ELAVL4: variants seen among roughly 807,000 people sequenced by gnomAD.
ELAVL4 encodes ELAV-like protein 4.
Under a neutral mutation model 35.6 loss-of-function variants are expected in ELAVL4, and 1 was observed. That is an observed-to-expected ratio of 0.03 (90% CI 0.01 to 0.13). The LOEUF (loss-of-function observed/expected upper bound fraction) is 0.13, where lower values mean the gene tolerates loss of function less well. Among genes scored for constraint, ELAVL4 ranks in the 10% least tolerant of loss-of-function variants. ELAVL4 has a pLI of 1.00. For missense variants in ELAVL4, 267 were observed against 464.9 expected, an observed-to-expected ratio of 0.57 and a Z score of 3.91; for synonymous variants, 156 against 171.0, an observed-to-expected ratio of 0.91 and a Z score of 0.69.
At chr1:50,157,723 C>T (rs1234687066) in intron 2 of ELAVL4, among the ~76,000 whole-genome samples, 1 of 152,204 alleles carries the variant, frequency 6.6e-6, no homozygotes, top group Non-Finnish European at 1.5e-5. Context: ...TGTGAGTCAT[C>T]ATTCAGAATG....
At chr1:50,160,661 GTCCT>G (rs2148756015) in intron 2 of ELAVL4, among the ~76,000 whole-genome samples, 1 of 152,296 alleles carries the variant, frequency 6.6e-6, no homozygotes, top group East Asian at 1.9e-4. Context: ...GGTTTTCAAA[GTCCT>G]TCAGCTAACA....
intron 6 of ELAVL4, among the ~76,000 whole-genome samples, chr1:50,199,194 T>G (rs971560008): frequency 6.6e-6 from 1 of 152,260 alleles, no homozygotes; most frequent in African/African-American, 2.4e-5. Flanking sequence ...GTTGTTATAT[T>G]TAGCATATAT....
chr1:50,050,985 G>GA (rs2148467682), intron 1 of ELAVL4, among the ~76,000 whole-genome samples: 1 of 152,130 alleles, frequency 6.6e-6, no homozygotes, highest in Non-Finnish European at 1.5e-5. Context: ...TTATAGGGCA[G>GA]AATCAACACT....
Position 50,109,916 on chromosome 1 carries a change from A to G in ELAVL4, c.9+718A>G, listed in dbSNP as rs765190074. ...CTTTCCGCTTTTGACACACTGTGTG[A>G]GGGTCCATCTTCTTCTGATCACAGA... On this transcript the variant is annotated intron_variant, in intron 1 of 6. Transcript: ENST00000371824. 18 of 1,611,984 alleles carry G rather than the reference A, an allele frequency of 1.1e-5. No individual in the cohort carries two copies. In the East Asian group the frequency reaches 4.0e-4, roughly 36 times the overall value.
chr1:50,163,697 A>T (rs1296911949), intron 2 of ELAVL4, among the ~76,000 whole-genome samples: 1 of 152,086 alleles, frequency 6.6e-6, no homozygotes, highest in African/African-American at 2.4e-5. Flanking sequence ...GTGGTGGTTC[A>T]TGCCTGTAAC....
intron 1 of ELAVL4, among the ~76,000 whole-genome samples, chr1:50,080,145 C>T (rs1305004674): frequency 6.6e-6 from 1 of 152,100 alleles, no homozygotes; most frequent in Admixed American, 6.6e-5. Flanking sequence ...AGTTTAAGTG[C>T]GGTCTTTAAA....
intron 1 of ELAVL4, among the ~76,000 whole-genome samples, chr1:50,069,695 A>AT (rs763844228): frequency 2.0e-5 from 3 of 152,112 alleles, no homozygotes; most frequent in South Asian, 4.1e-4. Flanking sequence ...ATAGCAGCTT[A>AT]TTTTTTAGCA....
chr1:50,166,846 C>T (rs1344010954), intron 2 of ELAVL4, among the ~76,000 whole-genome samples: 3 of 152,206 alleles, frequency 2.0e-5, no homozygotes, highest in Non-Finnish European at 2.9e-5. Context: ...AGCCTGTTGA[C>T]TTAAAGGTAG....
At chr1:50,169,567 C>A (rs544779892) in intron 2 of ELAVL4, among the ~76,000 whole-genome samples, 7 of 152,308 alleles carry the variant, frequency 4.6e-5, no homozygotes, top group African/African-American at 1.7e-4. Flanking sequence ...TCAGTGATGG[C>A]AGAAAACAAG....
chr1:50,080,843 G>T (rs1321198772), intron 1 of ELAVL4, among the ~76,000 whole-genome samples: 1 of 152,158 alleles, frequency 6.6e-6, no homozygotes, highest in East Asian at 1.9e-4. Context: ...AAATAAATTC[G>T]TGGACTAGTT....
intron 1 of ELAVL4, among the ~76,000 whole-genome samples, chr1:50,124,774 G>T (rs1411520976): frequency 1.3e-5 from 2 of 152,090 alleles, no homozygotes; most frequent in African/African-American, 2.4e-5. Context: ...TTTATCAGTT[G>T]TGACCTAGGG....
At chr1:50,137,538 A>G (rs1352678778) in intron 1 of ELAVL4, among the ~76,000 whole-genome samples, 4 of 152,050 alleles carry the variant, frequency 2.6e-5, no homozygotes, top group Non-Finnish European at 4.4e-5. Context: ...GAAGGAAGGC[A>G]GGAAGGAAGG....
chr1:50,153,396 A>AT (rs1675141669), intron 2 of ELAVL4, among the ~76,000 whole-genome samples: 1 of 152,164 alleles, frequency 6.6e-6, no homozygotes, highest in Non-Finnish European at 1.5e-5. Context: ...TTTTATTCCC[A>AT]TTTTGCAGAT....
At chr1:50,067,689 C>T (rs1017193929) in intron 1 of ELAVL4, among the ~76,000 whole-genome samples, 2 of 152,160 alleles carry the variant, frequency 1.3e-5, no homozygotes, top group African/African-American at 2.4e-5. Context: ...AAATAACAAG[C>T]TTATTGTATT....
intron 2 of ELAVL4, among the ~76,000 whole-genome samples, chr1:50,159,996 C>T (rs1676500224): frequency 6.6e-6 from 1 of 152,208 alleles, no homozygotes; most frequent in African/African-American, 2.4e-5. Context: ...TCCCATCTCA[C>T]ACTAGGCATT....
upstream of ELAVL4, among the ~76,000 whole-genome samples, chr1:50,104,908 T>C (rs1046668367): frequency 6.6e-6 from 1 of 152,206 alleles, no homozygotes; most frequent in Non-Finnish European, 1.5e-5. Context: ...ACAAAGGAGA[T>C]GCCAAGTTAG....
At chr1:50,050,469 T>C (rs570233738) in intron 1 of ELAVL4, among the ~76,000 whole-genome samples, 12 of 152,220 alleles carry the variant, frequency 7.9e-5, no homozygotes, top group Non-Finnish European at 1.8e-4. Flanking sequence ...TGATTTTATG[T>C]GCATTATATA....
chr1:50,132,909 G>A, intron 1 of ELAVL4, among the ~76,000 whole-genome samples: 1 of 152,176 alleles, frequency 6.6e-6, no homozygotes, highest in Admixed American at 6.5e-5. Flanking sequence ...TTATTCTAGT[G>A]TTTTTTATTT....
intron 1 of ELAVL4, among the ~76,000 whole-genome samples, chr1:50,113,755 A>G (rs886312773): frequency 1.3e-5 from 2 of 152,084 alleles, no homozygotes; most frequent in African/African-American, 4.8e-5. Flanking sequence ...TCAACCTTTT[A>G]TTTACCACTA....
Sources: allele counts gnomAD v4.1 joint callset (sites outside exome capture counted in the v4.1 genomes callset), GRCh38; gene constraint gnomAD v4.1.1; transcripts MANE v1.5; gene names NCBI Gene and HGNC (gene_info 2026-07-23, HGNC 2026-07-21).